The following SYN3 variants were observed in gnomAD, a reference collection of about 807,000 sequenced individuals.
SYN3 encodes the protein synapsin III.
Under a neutral mutation model 65.8 loss-of-function variants are expected in SYN3, and 35 were observed. The ratio of observed to expected loss-of-function variants is 0.53; its 90% CI spans 0.41 to 0.70. The LOEUF is 0.70. Ranked by LOEUF, SYN3 falls within the 30% of genes least tolerant of loss-of-function variation. SYN3 has a pLI of 0.00. For missense variants in SYN3, 680 were observed against 749.0 expected, an observed-to-expected ratio of 0.91 and a Z score of 1.08; for synonymous variants, 270 against 292.9, an observed-to-expected ratio of 0.92 and a Z score of 0.80.
chr22:32,562,180 G>A (rs2058595584), intron 7 of SYN3, among the ~76,000 whole-genome samples: 1 of 152,158 alleles, frequency 6.6e-6, no homozygotes, highest in South Asian at 2.1e-4. Context: ...TCAATGGTTC[G>A]TCATGAGACT....
intron 7 of SYN3, among the ~76,000 whole-genome samples, chr22:32,579,970 A>G (rs1430923842): frequency 6.6e-6 from 1 of 152,266 alleles, no homozygotes; most frequent in Non-Finnish European, 1.5e-5. Flanking sequence ...GAAGGGAGGC[A>G]CCAGAGAAGT....
chr22:32,811,593 T>C (rs924902986), intron 6 of SYN3, among the ~76,000 whole-genome samples: 1 of 152,324 alleles, frequency 6.6e-6, no homozygotes, highest in South Asian at 2.1e-4. Flanking sequence ...AACAACAAAG[T>C]TCCTACTCTA....
chr22:32,824,808 G>A (rs373036104), intron 6 of SYN3, among the ~76,000 whole-genome samples: 7 of 152,182 alleles, frequency 4.6e-5, no homozygotes, highest in South Asian at 2.1e-4. Flanking sequence ...AGACATGGCA[G>A]TTTGCATTCA....
At chr22:32,664,812 G>A (rs1251733772) in intron 6 of SYN3, among the ~76,000 whole-genome samples, 4 of 150,798 alleles carry the variant, frequency 2.7e-5, no homozygotes, top group African/African-American at 9.8e-5. Flanking sequence ...GGATGGTCTC[G>A]ATCTCCTAAC....
intron 6 of SYN3, among the ~76,000 whole-genome samples, chr22:32,782,515 C>CTTTT (rs1265679936): frequency 4.8e-5 from 6 of 124,170 alleles, no homozygotes; most frequent in Non-Finnish European, 8.6e-5. Context: ...CCTTGTAATT[C>CTTTT]TTTTTTTTTT....
chr22:32,597,458 C>T (rs559652630), intron 6 of SYN3, among the ~76,000 whole-genome samples: 46 of 152,114 alleles, frequency 3.0e-4, no homozygotes, highest in Middle Eastern at 6.8e-3. Flanking sequence ...TCAGGGGATC[C>T]GCCTGCCTCT....
chr22:32,535,755 C>T (rs2058152728), intron 9 of SYN3, among the ~76,000 whole-genome samples: 1 of 151,014 alleles, frequency 6.6e-6, no homozygotes, highest in Admixed American at 6.6e-5. Flanking sequence ...TGCAGGCGTA[C>T]AGCAGCGTGA....
chr22:32,773,627 C>T (rs181386538), intron 6 of SYN3, among the ~76,000 whole-genome samples: 2 of 152,288 alleles, frequency 1.3e-5, no homozygotes, highest in East Asian at 3.9e-4. Flanking sequence ...AAGAAAAACA[C>T]ATCTGTTCAG....
intron 6 of SYN3, among the ~76,000 whole-genome samples, chr22:32,780,022 T>C (rs981780847): frequency 3.1e-5 from 4 of 130,156 alleles, no homozygotes; most frequent in African/African-American, 9.0e-5. Flanking sequence ...TGAGCTGAGA[T>C]TGCGCCACTG....
At chr22:32,773,943 C>T (rs185994718) in intron 6 of SYN3, among the ~76,000 whole-genome samples, 8 of 152,138 alleles carry the variant, frequency 5.3e-5, no homozygotes, top group Admixed American at 3.3e-4. Context: ...AGGTTTGGAA[C>T]GGAACTGCCA....
chr22:32,676,514 C>G (rs2060443916), intron 6 of SYN3, among the ~76,000 whole-genome samples: 1 of 130,138 alleles, frequency 7.7e-6, no homozygotes, highest in African/African-American at 2.8e-5. Flanking sequence ...CATTTTCTTT[C>G]TTTTCTTTTC....
intron 6 of SYN3, among the ~76,000 whole-genome samples, chr22:32,798,125 A>T (rs1286817863): frequency 6.6e-6 from 1 of 152,244 alleles, no homozygotes; most frequent in African/African-American, 2.4e-5. Context: ...AAATAAACAC[A>T]CAAGAGATAA....
At chr22:32,630,382 T>C (rs2059731497) in intron 6 of SYN3, among the ~76,000 whole-genome samples, 1 of 152,212 alleles carries the variant, frequency 6.6e-6, no homozygotes, top group Admixed American at 6.5e-5. Flanking sequence ...GCTACACGTA[T>C]GTCCCACTGT....
chr22:32,896,972 C>A (rs1489599784), intron 4 of SYN3, among the ~76,000 whole-genome samples: 1 of 152,192 alleles, frequency 6.6e-6, no homozygotes, highest in Non-Finnish European at 1.5e-5. Context: ...TGTCCCCACC[C>A]TGGTCTCCAG....
intron 1 of SYN3, among the ~76,000 whole-genome samples, chr22:33,009,308 T>C (rs12160502): frequency 0.19 from 29,049 of 152,072 alleles, 2,879 homozygotes; most frequent in Non-Finnish European, 0.21. Flanking sequence ...ATCCTACCCA[T>C]TCTAGTGGGT....
chr22:32,533,188 G>A (rs1178351447), intron 10 of SYN3, among the ~76,000 whole-genome samples: 1 of 151,866 alleles, frequency 6.6e-6, no homozygotes, highest in African/African-American at 2.4e-5. Flanking sequence ...CCCTCTGTGA[G>A]CCCTCTGTTA....
chr22:33,039,383 T>C (rs1440117553), intron 1 of SYN3, among the ~76,000 whole-genome samples: 2 of 151,502 alleles, frequency 1.3e-5, no homozygotes, highest in Admixed American at 1.3e-4. Flanking sequence ...TGACTTTTTT[T>C]TTTTTTTTTT....
At chr22:32,960,877 A>C (rs544290307) in intron 3 of SYN3, among the ~76,000 whole-genome samples, 1 of 152,304 alleles carries the variant, frequency 6.6e-6, no homozygotes, top group African/African-American at 2.4e-5. Context: ...CTGTAAAAAT[A>C]GGGCATAAGG....
At chr22:33,017,504 C>T (rs548064030) in intron 1 of SYN3, among the ~76,000 whole-genome samples, 16 of 152,166 alleles carry the variant, frequency 1.1e-4, no homozygotes, top group Non-Finnish European at 1.5e-4. Context: ...TCCGTGAACA[C>T]GGGATACCTT....
Sources: allele counts gnomAD v4.1 joint callset (sites outside exome capture counted in the v4.1 genomes callset), GRCh38; gene constraint gnomAD v4.1.1; transcripts MANE v1.5; gene names NCBI Gene and HGNC (gene_info 2026-07-23, HGNC 2026-07-21).